Variants in DLG2 observed in about 807,000 individuals in gnomAD.
DLG2 encodes the protein discs large MAGUK scaffold protein 2.
A neutral mutation model predicts 132.5 loss-of-function variants in DLG2; 45 were observed. The observed-to-expected ratio is 0.34, with a 90% CI of 0.27 to 0.44. DLG2 has a LOEUF of 0.44. DLG2 is among the 20% of genes least tolerant of loss of function. The probability of loss-of-function intolerance (pLI) is 1.00; values close to 1 mark genes in which losing one functional copy is unlikely to be tolerated. For missense variants in DLG2, 1,045 were observed against 1,196.9 expected (o/e 0.87, Z 1.87); for synonymous variants, 424 against 419.6 (o/e 1.01, Z -0.13).
chr11:84,362,927 G>A (rs962575605), intron 7 of DLG2, among the ~76,000 whole-genome samples: 37 of 152,120 alleles, frequency 2.4e-4, no homozygotes, highest in African/African-American at 8.7e-4. Context: ...CATTTGGGTT[G>A]GTTCCAAGTC....
rs114497812 is a variant in DLG2 at position 83,956,901 on chromosome 11, G to A, written c.1340+5984C>T. Among the ~76,000 whole-genome samples, 174 of 152,308 alleles carry A rather than the reference G, an allele frequency of 1.1e-3. 1 individual carries two copies. The highest frequency in any genetic ancestry group is 4.1e-3 in the African/African-American group (171 of 41,574). ...TGGCAAGTTTGTGTAACTTAGCTCAGTGTTTCTCAAACTTGGGTACTTAAG... is the reference window on the plus strand; with the variant it reads ...TGGCAAGTTTGTGTAACTTAGCTCAATGTTTCTCAAACTTGGGTACTTAAG... On this transcript the variant is annotated intron_variant, in intron 14 of 27. Coordinates refer to ENST00000376104, the MANE Select transcript of DLG2 (RefSeq NM_001142699.3).
chr11:84,442,700 TAAAA>T (rs537803509), intron 7 of DLG2, among the ~76,000 whole-genome samples: 2 of 126,674 alleles, frequency 1.6e-5, no homozygotes, highest in East Asian at 4.1e-4. Context: ...TAAGTATAAT[TAAAA>T]AAAAAGAAAG....
chr11:83,796,233 CACT>C, intron 17 of DLG2, among the ~76,000 whole-genome samples: 1 of 152,296 alleles, frequency 6.6e-6, no homozygotes, highest in Admixed American at 6.5e-5. Context: ...ACTGGATCAA[CACT>C]AATGAAGAAC....
At chr11:83,672,540 A>C (rs1020011599) in intron 18 of DLG2, among the ~76,000 whole-genome samples, 59 of 152,176 alleles carry the variant, frequency 3.9e-4, no homozygotes, top group African/African-American at 1.4e-3. Flanking sequence ...AAGATTGCTC[A>C]GTGTACTCCT....
At chr11:83,864,485 C>A (rs562788781) in intron 16 of DLG2, among the ~76,000 whole-genome samples, 3 of 152,182 alleles carry the variant, frequency 2.0e-5, no homozygotes, top group Admixed American at 6.6e-5. Flanking sequence ...TGCTTGTCCC[C>A]TGCAAAATCC....
intron 3 of DLG2, chr11:85,452,688 G>A (rs770062092): frequency 3.1e-5 from 5 of 161,794 alleles, no homozygotes; most frequent in Non-Finnish European, 6.9e-5. Context: ...AGGGCCTAGA[G>A]ATTTGGTGGA....
intron 10 of DLG2, among the ~76,000 whole-genome samples, chr11:84,077,692 G>C (rs2096848111): frequency 6.6e-6 from 1 of 152,150 alleles, no homozygotes; most frequent in Non-Finnish European, 1.5e-5. Flanking sequence ...TATTTCAAAT[G>C]TATCCCATGG....
chr11:85,529,285 T>C (rs2075022938), intron 3 of DLG2, among the ~76,000 whole-genome samples: 1 of 152,142 alleles, frequency 6.6e-6, no homozygotes, highest in Non-Finnish European at 1.5e-5. Flanking sequence ...ATTATGAACA[T>C]GTAACATGAA....
chr11:85,555,859 C>T (rs1055552514), intron 3 of DLG2, among the ~76,000 whole-genome samples: 1 of 151,770 alleles, frequency 6.6e-6, no homozygotes. Flanking sequence ...TTATTTATTT[C>T]CCCTGAAAGT....
intron 6 of DLG2, among the ~76,000 whole-genome samples, chr11:85,071,015 T>C (rs565225689): frequency 1.3e-5 from 2 of 151,996 alleles, no homozygotes; most frequent in East Asian, 3.9e-4. Flanking sequence ...TTTTAATCTG[T>C]GTGACCTTGG....
chr11:83,540,396 T>C (rs1468044372), intron 20 of DLG2, among the ~76,000 whole-genome samples: 4 of 152,134 alleles, frequency 2.6e-5, no homozygotes, highest in African/African-American at 9.7e-5. Context: ...GCCAAGAGGC[T>C]TAAAGAAACC....
intron 6 of DLG2, among the ~76,000 whole-genome samples, chr11:84,609,637 T>C (rs993119936): frequency 7.9e-5 from 12 of 152,136 alleles, no homozygotes; most frequent in African/African-American, 2.9e-4. Context: ...TGAGTTAATA[T>C]GTATAAAAAT....
intron 6 of DLG2, among the ~76,000 whole-genome samples, chr11:84,950,104 T>C (rs2050730953): frequency 6.6e-6 from 1 of 152,206 alleles, no homozygotes; most frequent in South Asian, 2.1e-4. Flanking sequence ...CCAACTAATA[T>C]ATTCTGATTA....
At chr11:84,064,874 C>G (rs2096647591) in intron 10 of DLG2, among the ~76,000 whole-genome samples, 1 of 152,036 alleles carries the variant, frequency 6.6e-6, no homozygotes, top group Admixed American at 6.6e-5. Flanking sequence ...AACAGACACA[C>G]AGACCACTGG....
At chr11:85,154,135 GAAAAAAAAAAAAA>G (rs34094958) in intron 5 of DLG2, among the ~76,000 whole-genome samples, 3 of 57,660 alleles carry the variant, frequency 5.2e-5, no homozygotes, top group East Asian at 6.5e-4. Flanking sequence ...TTCTTTTGGA[GAAAAAAAAAAAAA>G]AAAAAAAAAA....
At chr11:85,208,295 T>A (rs1045579454) in intron 4 of DLG2, among the ~76,000 whole-genome samples, 1 of 152,150 alleles carries the variant, frequency 6.6e-6, no homozygotes, top group African/African-American at 2.4e-5. Context: ...AATGACTGAA[T>A]GAATGATGAC....
At chr11:85,599,463 C>A (rs991333692) in intron 2 of DLG2, among the ~76,000 whole-genome samples, 1 of 152,048 alleles carries the variant, frequency 6.6e-6, no homozygotes, top group African/African-American at 2.4e-5. Flanking sequence ...CTAGAATCAG[C>A]GTGCTATCTT....
rs148539405 is a variant in DLG2, at chr11:83,816,449, GC to G, written c.1722+17164del. On this transcript the variant is annotated intron_variant, in intron 17 of 27. Transcript: ENST00000376104. Reference sequence around the variant, plus strand: ...TTTATAGGATTTGTGTCAATATTTTGCTACCTTATGGCTACTTACTAGCTTA... The same window carrying G: ...TTTATAGGATTTGTGTCAATATTTTGTACCTTATGGCTACTTACTAGCTTA... Among the ~76,000 whole-genome samples, 765 of 152,208 alleles carry G rather than the reference GC, an allele frequency of 5.0e-3. 9 individuals are homozygous for G. Among genetic ancestry groups the G allele is most frequent in the African/African-American group, 0.018 (742 of 41,528 alleles).
chr11:84,183,696 G>C lies in DLG2; in HGVS notation c.574-20185C>G, dbSNP rs541856708. On this transcript the variant is annotated intron_variant, in intron 8 of 27. Coordinates refer to ENST00000376104, the MANE Select transcript of DLG2 (RefSeq NM_001142699.3). ...ACCCAGTAACTCCTCATTTACATCA[G>C]GTATATCTCCTAATGCTATCCCTCC... is the stretch of plus-strand genomic sequence containing the variant. Among the ~76,000 whole-genome samples the C allele has an allele frequency of 3.9e-5, 6 of 152,152 alleles. No homozygotes were observed. In the East Asian group the frequency reaches 9.7e-4, roughly 25 times the overall value.
Sources: gnomAD v4.1 joint callset for allele counts (sites outside exome capture counted in the v4.1 genomes callset) on GRCh38, gnomAD v4.1.1 for gene constraint, MANE v1.5 for transcripts, NCBI Gene and HGNC (gene_info 2026-07-23, HGNC 2026-07-21) for gene names.